The following CTBP2 variants were observed in gnomAD, a reference collection of about 807,000 sequenced individuals.
CTBP2 encodes C-terminal binding protein 2, also known as C-terminal-binding protein 2.
CTBP2 carries 30 observed loss-of-function variants against 80.3 expected under a neutral mutation model. That is an observed-to-expected ratio of 0.37 (90% confidence interval 0.28 to 0.51). The LOEUF (loss-of-function observed/expected upper bound fraction) is 0.51, where lower values mean the gene tolerates loss of function less well. Ranked by LOEUF, CTBP2 falls within the 20% of genes least tolerant of loss-of-function variation. The pLI is 0.93. For missense variants in CTBP2, 1,212 were observed against 1,375.3 expected (o/e 0.88, Z 1.88); for synonymous variants, 594 against 587.4 (o/e 1.01, Z -0.16).
intron 1 of CTBP2, among the ~76,000 whole-genome samples, chr10:125,133,924 G>A (rs1215813401): frequency 6.6e-6 from 1 of 152,212 alleles, no homozygotes; most frequent in Non-Finnish European, 1.5e-5. Context: ...TCCTAACCAC[G>A]GCTGGAAGAC....
intron 1 of CTBP2, among the ~76,000 whole-genome samples, chr10:125,124,459 C>T (rs78998221): frequency 1.6e-4 from 24 of 151,950 alleles, no homozygotes; most frequent in Admixed American, 1.0e-3. Context: ...CTGTCAGCAA[C>T]AATAAAAGTA....
At chr10:125,149,452 C>G (rs912338267) in intron 1 of CTBP2, among the ~76,000 whole-genome samples, 7 of 152,110 alleles carry the variant, frequency 4.6e-5, no homozygotes, top group East Asian at 3.9e-4. Flanking sequence ...TGGAGGTGAG[C>G]CAGGACACCG....
At chr10:125,088,205 A>C (rs1848277173) in intron 2 of CTBP2, 1 of 152,212 alleles carries the variant, frequency 6.6e-6, no homozygotes, top group African/African-American at 2.4e-5. Context: ...CGTCGGAGAT[A>C]CTGTACGATG....
At chr10:125,009,186 C>A (rs998348241) in intron 1 of CTBP2, among the ~76,000 whole-genome samples, 1 of 152,124 alleles carries the variant, frequency 6.6e-6, no homozygotes, top group Admixed American at 6.5e-5. Flanking sequence ...GTAAAAATGG[C>A]CTTACTAAGT....
Position 125,006,071 on chromosome 10 carries a change from C to T in CTBP2, c.1679-2579G>A, listed in dbSNP as rs1310668949. 7 of 1,276,888 alleles carry T rather than the reference C, an allele frequency of 5.5e-6. No individual in the cohort carries two copies. In the Admixed American group the frequency reaches 2.2e-4, roughly 40 times the overall value. The allele number at this position is 1,276,888 out of a possible 1,614,324, so 79.1% of individuals were successfully genotyped here. A position where few individuals can be genotyped will look rare whatever the true frequency, so the allele number is the denominator to read the frequency against. ...GATCCGTTACCAGGGTAACAAACTCCAGGTTGCCTAGCGATCGGCTCCCTC... is the reference window on the plus strand; with the variant it reads ...GATCCGTTACCAGGGTAACAAACTCTAGGTTGCCTAGCGATCGGCTCCCTC... On this transcript the variant is annotated intron_variant, in intron 1 of 8. Coordinates refer to ENST00000309035, the MANE Select transcript of CTBP2 (RefSeq NM_022802.3).
At chr10:125,052,050 CTG>C (rs1279500800) in intron 2 of CTBP2, among the ~76,000 whole-genome samples, 51 of 152,200 alleles carry the variant, frequency 3.4e-4, no homozygotes, top group Admixed American at 3.3e-3. Context: ...CCTGGCCTGT[CTG>C]TGGAACCTTC....
chr10:125,152,423 C>T (rs929993105), intron 1 of CTBP2, among the ~76,000 whole-genome samples: 2 of 152,196 alleles, frequency 1.3e-5, no homozygotes, highest in African/African-American at 4.8e-5. Context: ...TCAGTCTGAG[C>T]GGATCGCAGG....
intron 1 of CTBP2, among the ~76,000 whole-genome samples, chr10:125,129,784 C>CA (rs1465545056): frequency 1.3e-5 from 2 of 152,202 alleles, no homozygotes; most frequent in Non-Finnish European, 2.9e-5. Flanking sequence ...CCTGGAGGCA[C>CA]AGGGAGAATA....
chr10:125,068,915 A>G (rs1295522153), intron 2 of CTBP2, among the ~76,000 whole-genome samples: 3 of 152,192 alleles, frequency 2.0e-5, no homozygotes, highest in Admixed American at 2.0e-4. Flanking sequence ...CAGCTGGAGC[A>G]CCGGGTTCTC....
intron 4 of CTBP2, chr10:124,997,455 C>G (rs1953775565): frequency 6.0e-6 from 1 of 167,162 alleles, no homozygotes; most frequent in Admixed American, 5.6e-5. Context: ...CCTCACGTCT[C>G]CTTTTCCTGC....
chr10:125,135,172 CCCTGACTCTG>C (rs1407740176), intron 1 of CTBP2, among the ~76,000 whole-genome samples: 1 of 152,114 alleles, frequency 6.6e-6, no homozygotes, highest in Admixed American at 6.5e-5. Flanking sequence ...CCCAGTCTCT[CCCTGACTCTG>C]CCTTCTACAA....
intron 3 of CTBP2, among the ~76,000 whole-genome samples, chr10:125,037,061 G>A (rs1003104577): frequency 3.3e-5 from 5 of 152,168 alleles, no homozygotes; most frequent in African/African-American, 1.2e-4. Flanking sequence ...TAGTTATTGA[G>A]AAATTTAAAA....
At position 125,027,595 on chromosome 10, in the gene CTBP2, G is replaced by C; in HGVS notation, c.165C>G (p.His55Gln). 6.2e-7 allele frequency: 1 copy of C among 1,614,098 alleles called. No individual in the cohort carries two copies. Among genetic ancestry groups the C allele is most frequent in the East Asian group, 2.2e-5 (1 of 44,874 alleles). The change falls in exon 1 of 9, where the codon CAC becomes CAG. Residue 55 changes from histidine to glutamine, a missense_variant. His to Gln is a conservative substitution (Grantham distance 24). This residue lies in a region of CTBP2 where 848 missense variants were observed against 782.3 expected (regional missense o/e 1.08). Transcript: ENST00000309035. ...CGGGCAGGGCAGCGTCCTGTGGTCG[G>C]TGGTTTGGCTCAAACCAAGTCCCCT...
intron 1 of CTBP2, among the ~76,000 whole-genome samples, chr10:125,011,697 A>T (rs144623176): frequency 6.6e-6 from 1 of 152,368 alleles, no homozygotes; most frequent in East Asian, 1.9e-4. Flanking sequence ...GGGAAGCTGC[A>T]GCCCGCACCC....
intron 7 of CTBP2, 122 bp from the exon 10 acceptor site, chr10:124,992,934 C>G (rs1001810477): frequency 1.1e-6 from 1 of 905,208 alleles, no homozygotes; most frequent in East Asian, 2.6e-5. Flanking sequence ...CATCCAAAGG[C>G]CCAAGTGCTT....
intron 2 of CTBP2, among the ~76,000 whole-genome samples, chr10:125,099,593 G>A (rs1465956142): frequency 1.3e-5 from 2 of 152,158 alleles, no homozygotes; most frequent in Non-Finnish European, 2.9e-5. Context: ...TCTCAATAAA[G>A]CAATGCTTCC....
At chr10:125,084,616 C>G (rs1446777226) in intron 2 of CTBP2, among the ~76,000 whole-genome samples, 1 of 152,132 alleles carries the variant, frequency 6.6e-6, no homozygotes, top group African/African-American at 2.4e-5. Context: ...GGGGGTGGCC[C>G]CAGTTAAAAC....
Position 125,027,884 on chromosome 10 carries a change from G to T in CTBP2, c.-125C>A. 7.0e-7 allele frequency: 1 copy of T among 1,426,548 alleles called. No homozygotes were observed. The highest frequency in any genetic ancestry group is 9.1e-7 in the Non-Finnish European group (1 of 1,094,386). 88.4% of individuals were successfully genotyped at this position (1,426,548 alleles called of 1,614,324 possible). On this transcript the variant is annotated 5_prime_UTR_variant, in exon 1 of 9. Transcript: ENST00000309035. ...CCGAGACGGCAGGGACAACCAACTGGGGGTTTTCTGTTTCAAAGCATGGCC... is the reference window on the plus strand; with the variant it reads ...CCGAGACGGCAGGGACAACCAACTGTGGGTTTTCTGTTTCAAAGCATGGCC...
At position 125,085,574 on chromosome 10, in the gene CTBP2, C is replaced by G. The variant is rs570876955; in HGVS notation, c.-102+25416G>C. On this transcript the variant is annotated intron_variant, in intron 2 of 10. Transcript: ENST00000337195. The stretch of plus-strand genomic sequence containing the variant: ...AGAGCTGGGAGCTTTCCTTCAGAAA[C>G]GAGGGCGAAGAACCTCCAACAGTAA... Among the ~76,000 whole-genome samples the G allele has an allele frequency of 6.6e-5, 10 of 152,328 alleles. No homozygotes were observed. In the South Asian group the frequency reaches 2.1e-3, roughly 32 times the overall value.
Sources: gnomAD v4.1 joint callset for allele counts (sites outside exome capture counted in the v4.1 genomes callset) on GRCh38, gnomAD v4.1.1 for gene constraint, gnomAD v4.1.1 regional missense constraint, MANE v1.5 for transcripts, NCBI Gene and HGNC (gene_info 2026-07-23, HGNC 2026-07-21) for gene names.